Variants in CSMD1 observed in about 807,000 individuals in gnomAD.
CSMD1 encodes CUB and sushi domain-containing protein 1.
In CSMD1, 213 loss-of-function variants were observed where a neutral mutation model predicts 417.5. The ratio of observed to expected loss-of-function variants is 0.51; its 90% CI spans 0.46 to 0.57. The LOEUF (loss-of-function observed/expected upper bound fraction) is 0.57, where lower values mean the gene tolerates loss of function less well. CSMD1 is among the 20% of genes least tolerant of loss of function. The pLI is 0.00. For missense variants in CSMD1, 6,923 were observed against 4,529.7 expected (o/e 1.53, Z -15.17); for synonymous variants, 2,862 against 1,736.8 (o/e 1.65, Z -16.11).
At chr8:3,826,114 G>T (rs1802040416) in intron 5 of CSMD1, among the ~76,000 whole-genome samples, 1 of 151,932 alleles carries the variant, frequency 6.6e-6, no homozygotes, top group Non-Finnish European at 1.5e-5. Context: ...ACAATAAACC[G>T]GCCGTCAGCA....
At chr8:4,284,047 T>C (rs1796929391) in intron 3 of CSMD1, among the ~76,000 whole-genome samples, 1 of 151,314 alleles carries the variant, frequency 6.6e-6, no homozygotes, top group South Asian at 2.1e-4. Context: ...AGGCTGGCCA[T>C]CATTGTGAAA....
At chr8:3,299,483 G>A (rs982432865) in intron 25 of CSMD1, among the ~76,000 whole-genome samples, 4 of 152,068 alleles carry the variant, frequency 2.6e-5, no homozygotes, top group South Asian at 4.1e-4. Flanking sequence ...TGGTATCATC[G>A]CTAAGGAACT....
At chr8:4,197,190 C>G (rs1363635158) in intron 3 of CSMD1, among the ~76,000 whole-genome samples, 2 of 152,108 alleles carry the variant, frequency 1.3e-5, no homozygotes, top group Non-Finnish European at 2.9e-5. Flanking sequence ...GTATAAAAGT[C>G]CTAGCATTTT....
intron 11 of CSMD1, among the ~76,000 whole-genome samples, chr8:3,491,847 G>A (rs1450388268): frequency 1.3e-5 from 2 of 152,196 alleles, no homozygotes; most frequent in Non-Finnish European, 1.5e-5. Context: ...CACACCACCC[G>A]GCGGGTACCC....
chr8:4,266,981 G>A lies in CSMD1; in HGVS notation c.415+152972C>T, dbSNP rs1410810786. 6.7e-5 allele frequency among the ~76,000 whole-genome samples: 7 copies of A among 104,150 alleles called. 2 individuals are homozygous for A. Among genetic ancestry groups the A allele is most frequent in the African/African-American group, 1.0e-4 (4 of 38,548 alleles). 68.3% of individuals were successfully genotyped at this position (104,150 alleles called of 152,430 possible). A position where few individuals can be genotyped will look rare whatever the true frequency, so the allele number is the denominator to read the frequency against. On this transcript the variant is annotated intron_variant, in intron 3 of 69. Transcript: ENST00000635120. Reference sequence around the variant, plus strand: ...AATTAACAATTTTGGAACTTAAGAAGATAAAAATCACTTTTGTGATTTTTA... The same window carrying A: ...AATTAACAATTTTGGAACTTAAGAAAATAAAAATCACTTTTGTGATTTTTA...
At chr8:4,652,951 G>T (rs1366880197) in intron 1 of CSMD1, among the ~76,000 whole-genome samples, 3 of 151,478 alleles carry the variant, frequency 2.0e-5, no homozygotes, top group Admixed American at 6.6e-5. Flanking sequence ...ATAGGGAGTG[G>T]CTGGAAATAC....
At chr8:3,185,535 T>G (rs1231737580) in intron 36 of CSMD1, among the ~76,000 whole-genome samples, 1 of 152,204 alleles carries the variant, frequency 6.6e-6, no homozygotes, top group Non-Finnish European at 1.5e-5. Context: ...CAATTCAATA[T>G]TTAATACTCT....
At chr8:4,901,526 A>G (rs1299801394) in intron 1 of CSMD1, among the ~76,000 whole-genome samples, 3 of 152,224 alleles carry the variant, frequency 2.0e-5, no homozygotes, top group Non-Finnish European at 2.9e-5. Context: ...TTACCTCTGT[A>G]AGAATTCATA....
intron 5 of CSMD1, among the ~76,000 whole-genome samples, chr8:3,939,881 AGGGAATGAAAG>A (rs1810758152): frequency 1.3e-5 from 2 of 152,024 alleles, no homozygotes; most frequent in African/African-American, 4.8e-5. Flanking sequence ...GAAGCGGGTG[AGGGAATGAAAG>A]ACTACATATT....
intron 10 of CSMD1, among the ~76,000 whole-genome samples, chr8:3,552,595 T>C (rs2116792576): frequency 6.6e-6 from 1 of 152,292 alleles, no homozygotes; most frequent in South Asian, 2.1e-4. Context: ...TATAAGGTAT[T>C]TTAAGGAATT....
chr8:3,807,948 G>C (rs778722351), intron 5 of CSMD1, among the ~76,000 whole-genome samples: 2 of 152,156 alleles, frequency 1.3e-5, no homozygotes, highest in African/African-American at 4.8e-5. Flanking sequence ...TAGGTGGCTT[G>C]CATAACTTGT....
At chr8:3,778,526 GC>G (rs901496595) in intron 5 of CSMD1, among the ~76,000 whole-genome samples, 9 of 152,182 alleles carry the variant, frequency 5.9e-5, no homozygotes, top group African/African-American at 1.9e-4. Context: ...CAAGAACGCT[GC>G]CCGTGTGCCT....
intron 1 of CSMD1, among the ~76,000 whole-genome samples, chr8:4,747,782 G>A (rs1811051320): frequency 6.6e-6 from 1 of 152,198 alleles, no homozygotes; most frequent in East Asian, 1.9e-4. Context: ...CTGGGATAGA[G>A]GCTAAAAAAA....
intron 9 of CSMD1, among the ~76,000 whole-genome samples, chr8:3,585,627 T>C (rs1800567199): frequency 6.6e-6 from 1 of 152,202 alleles, no homozygotes; most frequent in Non-Finnish European, 1.5e-5. Context: ...ATGATGACAA[T>C]AATGATGAAT....
At chr8:4,549,813 C>T (rs1217778784) in intron 2 of CSMD1, among the ~76,000 whole-genome samples, 2 of 143,602 alleles carry the variant, frequency 1.4e-5, no homozygotes, top group Non-Finnish European at 3.0e-5. Context: ...AGGAGAATCG[C>T]TTCAGCCCAG....
chr8:3,252,594 A>T lies in CSMD1; in HGVS notation c.4154-22363T>A, dbSNP rs184191287. Among the ~76,000 whole-genome samples, 308 of 152,132 alleles carry T rather than the reference A, an allele frequency of 2.0e-3. 4 individuals carry two copies. Among genetic ancestry groups the T allele is most frequent in the Admixed American group, 0.018 (276 of 15,278 alleles). The stretch of plus-strand genomic sequence containing the variant: ...GGCCTCATAAAATGAGTTAGGGAGG[A>T]TTCCCTCTTTTTCTATTGATTGAAT... On this transcript the variant is annotated intron_variant, in intron 26 of 69. Transcript: ENST00000635120.
chr8:4,506,953 C>T (rs183652348), intron 2 of CSMD1, among the ~76,000 whole-genome samples: 8 of 152,096 alleles, frequency 5.3e-5, no homozygotes, highest in Admixed American at 1.3e-4. Flanking sequence ...GAAAGGTGAT[C>T]GAATACATTT....
chr8:4,302,980 C>G (rs115264170), intron 3 of CSMD1, among the ~76,000 whole-genome samples: 2,136 of 152,134 alleles, frequency 0.014, 20 homozygotes, highest in Non-Finnish European at 0.02. Context: ...GTTCAGCCCT[C>G]TGTATATCAA....
At chr8:4,431,821 C>G (rs1007865942) in intron 2 of CSMD1, among the ~76,000 whole-genome samples, 1 of 151,522 alleles carries the variant, frequency 6.6e-6, no homozygotes, top group African/African-American at 2.4e-5. Context: ...CATACACATC[C>G]AAGATAAAGT....
Sources: gnomAD v4.1 joint callset for allele counts (sites outside exome capture counted in the v4.1 genomes callset) on GRCh38, gnomAD v4.1.1 for gene constraint, MANE v1.5 for transcripts, NCBI Gene and HGNC (gene_info 2026-07-23, HGNC 2026-07-21) for gene names.